ATP11A: variants seen among roughly 807,000 people sequenced by gnomAD.
ATP11A encodes the protein ATPase phospholipid transporting 11A.
A neutral mutation model predicts 154.4 loss-of-function variants in ATP11A; 81 were observed. The observed-to-expected ratio is 0.52, with a 90% CI of 0.44 to 0.63. The LOEUF (loss-of-function observed/expected upper bound fraction) is 0.63, where lower values mean the gene tolerates loss of function less well. Among genes scored for constraint, ATP11A ranks in the 30% least tolerant of loss-of-function variants. The probability of loss-of-function intolerance (pLI) is 0.00; values close to 1 mark genes in which losing one functional copy is unlikely to be tolerated. For synonymous variants in ATP11A, 623 were observed against 585.9 expected, an observed-to-expected ratio of 1.06 and a Z score of -0.91; for missense variants, 1,316 against 1,474.3, an observed-to-expected ratio of 0.89 and a Z score of 1.76.
At chr13:112,797,249 C>T (rs1258092654) in intron 2 of ATP11A, among the ~76,000 whole-genome samples, 5 of 140,258 alleles carry the variant, frequency 3.6e-5, no homozygotes, top group African/African-American at 1.1e-4. Context: ...CACCACTGCA[C>T]TCCACCCTGG....
Position 112,865,337 on chromosome 13 carries a change from G to A in ATP11A, c.2991+2762G>A, listed in dbSNP as rs190197421. 2.4e-3 allele frequency among the ~76,000 whole-genome samples: 327 copies of A among 136,012 alleles called. 2 individuals are homozygous for A. The highest frequency in any genetic ancestry group is 9.9e-3 in the East Asian group (41 of 4,126). 89.2% of individuals were successfully genotyped at this position (136,012 alleles called of 152,430 possible). A position where few individuals can be genotyped will look rare whatever the true frequency, so the allele number is the denominator to read the frequency against. ...AGTGCAGCCCGTGCAGCTTCCCAGC[G>A]GGGTCCATCACCACATGTGCAGTAA... On this transcript the variant is annotated intron_variant, in intron 25 of 29. Transcript: ENST00000375645.
chr13:112,842,124 G>C (rs2079438993), intron 16 of ATP11A, 152 bp from the exon 17 acceptor site: 1 of 583,480 alleles, frequency 1.7e-6, no homozygotes, highest in Admixed American at 3.0e-5. Context: ...ATTTTTTCCT[G>C]ACTGTAGCGT....
rs2079441213 is a variant in ATP11A, at chr13:112,842,192, G to GT, written c.1706-78dup. On this transcript the variant is annotated intron_variant, in intron 16 of 29. Transcript: ENST00000375645. ...TTCCACACTGCTATCCCTGTTTTTT[G>GT]TTTTTTAATAATGGCATAATTTTAA... 3.5e-6 allele frequency: 4 copies of GT among 1,138,738 alleles called. No individual in the cohort carries two copies. In the South Asian group the frequency reaches 5.5e-5, roughly 16 times the overall value. 70.5% of individuals were successfully genotyped at this position (1,138,738 alleles called of 1,614,324 possible). A position where few individuals can be genotyped will look rare whatever the true frequency, so the allele number is the denominator to read the frequency against.
chr13:112,881,758 C>T, intron 29 of ATP11A, 118 bp from the exon 30 acceptor site: 1 of 1,342,162 alleles, frequency 7.5e-7, no homozygotes, highest in South Asian at 1.2e-5. Flanking sequence ...GCTCAGGTCA[C>T]CCCAGGCAGC....
intron 8 of ATP11A, among the ~76,000 whole-genome samples, chr13:112,821,693 G>A (rs2078801242): frequency 6.6e-6 from 1 of 152,156 alleles, no homozygotes; most frequent in African/African-American, 2.4e-5. Flanking sequence ...TTGTGATGTG[G>A]ACAGTTAAGA....
intron 17 of ATP11A, among the ~76,000 whole-genome samples, chr13:112,846,472 G>A (rs545859407): frequency 5.3e-5 from 8 of 152,300 alleles, no homozygotes; most frequent in South Asian, 4.1e-4. Flanking sequence ...CCGCCAGCGT[G>A]GTTTTGTATC....
chr13:112,778,392 C>G (rs959300620), intron 1 of ATP11A, among the ~76,000 whole-genome samples: 5 of 152,256 alleles, frequency 3.3e-5, no homozygotes, highest in African/African-American at 1.2e-4. Flanking sequence ...AACCTTGTAA[C>G]TCTCTTCAGA....
chr13:112,819,514 T>A lies in ATP11A; in HGVS notation c.674+107T>A, dbSNP rs1006934410. ...GCCATGTGGTGGTTTGGAAAGAGAA[T>A]GTAAATCACTGCTTAAAGATTAAGA... is the stretch of plus-strand genomic sequence containing the variant. On this transcript the variant is annotated intron_variant, in intron 7 of 29. Coordinates refer to ENST00000375645, the MANE Select transcript of ATP11A (RefSeq NM_015205.3). The A allele has an allele frequency of 4.6e-6, 4 of 869,480 alleles. No individual in the cohort carries two copies. In the African/African-American group the frequency reaches 6.7e-5, roughly 15 times the overall value. The allele number at this position is 869,480 out of a possible 1,614,324, so 53.9% of individuals were successfully genotyped here.
At chr13:112,733,492 C>G (rs950007954) in intron 1 of ATP11A, among the ~76,000 whole-genome samples, 1 of 152,326 alleles carries the variant, frequency 6.6e-6, no homozygotes, top group Non-Finnish European at 1.5e-5. Context: ...GACATATTTT[C>G]ATTTGTATTT....
intron 1 of ATP11A, chr13:112,717,432 GA>G (rs1432079474): frequency 2.6e-5 from 4 of 152,130 alleles, no homozygotes; most frequent in Non-Finnish European, 2.9e-5. Flanking sequence ...GGATTCTTTT[GA>G]AAACACATTT....
chr13:112,793,399 G>T (rs1042088650), intron 2 of ATP11A, among the ~76,000 whole-genome samples: 1 of 152,150 alleles, frequency 6.6e-6, no homozygotes, highest in African/African-American at 2.4e-5. Context: ...ATGGGGTTTT[G>T]CCATTGTTGG....
At chr13:112,841,931 A>G (rs1357975815) in intron 16 of ATP11A, among the ~76,000 whole-genome samples, 1 of 152,252 alleles carries the variant, frequency 6.6e-6, no homozygotes, top group Non-Finnish European at 1.5e-5. Flanking sequence ...CCAGCATTTC[A>G]GAAACCAGGA....
At chr13:112,778,833 C>G in intron 1 of ATP11A, among the ~76,000 whole-genome samples, 1 of 78,158 alleles carries the variant, frequency 1.3e-5, no homozygotes, top group East Asian at 4.2e-4. Flanking sequence ...GAGGAGTAGC[C>G]GCTGGAGTGA....
intron 11 of ATP11A, 22 bp downstream of exon 11, chr13:112,825,602 G>A (rs1467886434): frequency 2.5e-6 from 4 of 1,604,334 alleles, no homozygotes; most frequent in African/African-American, 2.7e-5. Context: ...CACTGCCCTT[G>A]TATGATCCGA....
chr13:112,855,766 T>G, intron 19 of ATP11A, 145 bp from the exon 20 acceptor site: 1 of 710,258 alleles, frequency 1.4e-6, no homozygotes, highest in Non-Finnish European at 2.3e-6. Context: ...TTCAATACTA[T>G]AAAAATTGTA....
chr13:112,880,290 G>C (rs887870759), intron 29 of ATP11A: 1 of 168,078 alleles, frequency 5.9e-6, no homozygotes, highest in Admixed American at 6.2e-5. Flanking sequence ...TCCCGCGGGT[G>C]CATGGCCCGT....
At chr13:112,734,381 AG>A (rs1383458054) in intron 1 of ATP11A, among the ~76,000 whole-genome samples, 2 of 152,204 alleles carry the variant, frequency 1.3e-5, no homozygotes, top group African/African-American at 4.8e-5. Flanking sequence ...TTGGGCTGAA[AG>A]AGGTTGGTCT....
At chr13:112,841,906 A>G (rs1399793642) in intron 16 of ATP11A, among the ~76,000 whole-genome samples, 1 of 152,174 alleles carries the variant, frequency 6.6e-6, no homozygotes, top group Non-Finnish European at 1.5e-5. Context: ...TCCGAAGGGG[A>G]TTTGTGTTCA....
rs780242512 is a variant in ATP11A, at chr13:112,690,495, G to A, written c.39+40G>A. ...CGCGGGCTGGGGGACCCGGGGACCAGACAGACGCGGGCCGGCCCCGCAGCC... is the reference window on the plus strand; with the variant it reads ...CGCGGGCTGGGGGACCCGGGGACCAAACAGACGCGGGCCGGCCCCGCAGCC... On this transcript the variant is annotated intron_variant, in intron 1 of 29. Transcript: ENST00000375645. This position sits in a 1 kb window ranked among gnomAD's most constrained non-coding sequence, Gnocchi z 5.6. 6 of 1,297,278 alleles carry A rather than the reference G, an allele frequency of 4.6e-6. No homozygotes were observed. Among genetic ancestry groups the A allele is most frequent in the Middle Eastern group, 2.8e-4 (1 of 3,584 alleles). The allele number at this position is 1,297,278 out of a possible 1,614,324, so 80.4% of individuals were successfully genotyped here. A position where few individuals can be genotyped will look rare whatever the true frequency, so the allele number is the denominator to read the frequency against.
Sources: allele counts gnomAD v4.1 joint callset (sites outside exome capture counted in the v4.1 genomes callset), GRCh38; gene constraint gnomAD v4.1.1; non-coding constraint Gnocchi (gnomAD v3.1); transcripts MANE v1.5; gene names NCBI Gene and HGNC (gene_info 2026-07-23, HGNC 2026-07-21).